The following ATXN10 variants were observed in gnomAD, a reference collection of about 807,000 sequenced individuals.
The protein encoded by ATXN10 is ataxin-10.
A neutral mutation model predicts 52.9 loss-of-function variants in ATXN10; 28 were observed. That is an observed-to-expected ratio of 0.53 (90% CI 0.39 to 0.73). The LOEUF (loss-of-function observed/expected upper bound fraction) is 0.73. Ranked by LOEUF, ATXN10 falls within the 30% of genes least tolerant of loss-of-function variation. ATXN10 has a pLI of 0.00. For synonymous variants in ATXN10, 226 were observed against 221.5 expected, an observed-to-expected ratio of 1.02 and a Z score of -0.18; for missense variants, 565 against 577.0, an observed-to-expected ratio of 0.98 and a Z score of 0.21.
rs1922453189 is a variant in ATXN10, at chr22:45,671,913, G to C, written c.-151G>C. The C allele has an allele frequency of 1.2e-6, 1 of 822,362 alleles. No homozygotes were observed. Among genetic ancestry groups the C allele is most frequent in the Non-Finnish European group, 1.8e-6 (1 of 546,978 alleles). 50.9% of individuals were successfully genotyped at this position (822,362 alleles called of 1,614,324 possible). A position where few individuals can be genotyped will look rare whatever the true frequency, so the allele number is the denominator to read the frequency against. On this transcript the variant is annotated 5_prime_UTR_variant, in exon 1 of 12. Transcript: ENST00000252934. Reference sequence around the variant, plus strand: ...CGGCGGCGCAGCTTCAGGGCAGCGCGGGCTGCAGCGGCGGCGGCGGTTAGG... The same window carrying C: ...CGGCGGCGCAGCTTCAGGGCAGCGCCGGCTGCAGCGGCGGCGGCGGTTAGG...
chr22:45,764,893 ATTG>A (rs1307030712), intron 9 of ATXN10, among the ~76,000 whole-genome samples: 1 of 152,124 alleles, frequency 6.6e-6, no homozygotes, highest in Non-Finnish European at 1.5e-5. Context: ...TCTGTTTTAA[ATTG>A]TTGTGAGGTT....
At chr22:45,697,950 G>A (rs553894200) in intron 3 of ATXN10, among the ~76,000 whole-genome samples, 2 of 152,158 alleles carry the variant, frequency 1.3e-5, no homozygotes, top group Non-Finnish European at 2.9e-5. Flanking sequence ...TGTTTTTAAG[G>A]TTCATCCACC....
At chr22:45,827,539 A>G (rs761023035) in intron 10 of ATXN10, among the ~76,000 whole-genome samples, 1 of 152,196 alleles carries the variant, frequency 6.6e-6, no homozygotes, top group Non-Finnish European at 1.5e-5. Flanking sequence ...AATCAAATAA[A>G]GGTTGCAAGA....
At chr22:45,699,094 A>G (rs188542186) in intron 3 of ATXN10, among the ~76,000 whole-genome samples, 1 of 152,228 alleles carries the variant, frequency 6.6e-6, no homozygotes, top group Non-Finnish European at 1.5e-5. Context: ...TTTTATGTAA[A>G]CACAAGCATG....
At chr22:45,699,430 A>T (rs1186424397) in intron 3 of ATXN10, among the ~76,000 whole-genome samples, 1 of 143,712 alleles carries the variant, frequency 7.0e-6, no homozygotes, top group Admixed American at 6.9e-5. Flanking sequence ...TTTTATACAG[A>T]TCTGAGTGTT....
intron 10 of ATXN10, among the ~76,000 whole-genome samples, chr22:45,812,878 G>A (rs1419770530): frequency 3.9e-5 from 6 of 152,172 alleles, no homozygotes; most frequent in Non-Finnish European, 8.8e-5. Flanking sequence ...CTACGGGTTA[G>A]GAAATCCAAA....
chr22:45,713,233 T>C (rs1924318462), intron 5 of ATXN10, among the ~76,000 whole-genome samples: 1 of 152,192 alleles, frequency 6.6e-6, no homozygotes, highest in Non-Finnish European at 1.5e-5. Context: ...AGTATTGTAA[T>C]GCAGATGCTG....
At chr22:45,680,010 T>C (rs1922855712) in intron 1 of ATXN10, 1 of 152,216 alleles carries the variant, frequency 6.6e-6, no homozygotes, top group Admixed American at 6.5e-5. Flanking sequence ...TCTTCCAGTC[T>C]TTTGTAGTGG....
intron 9 of ATXN10, among the ~76,000 whole-genome samples, chr22:45,785,491 T>G (rs898681934): frequency 6.6e-6 from 1 of 152,234 alleles, no homozygotes; most frequent in African/African-American, 2.4e-5. Context: ...GAAGTACAAA[T>G]AAAAGATGAT....
intron 1 of ATXN10, 198 bp downstream of exon 1, chr22:45,672,377 G>C: frequency 2.2e-6 from 1 of 451,484 alleles, no homozygotes; most frequent in Non-Finnish European, 3.1e-6. Context: ...CGCGGGGCCT[G>C]GGGCGGGCGC....
intron 1 of ATXN10, chr22:45,679,631 C>T (rs911598137): frequency 9.2e-5 from 14 of 152,242 alleles, no homozygotes; most frequent in Non-Finnish European, 1.3e-4. Context: ...CCACACGAGT[C>T]GTCAGCTTGG....
rs764226386 is a variant in ATXN10, at chr22:45,835,655, G to A, written c.1238-7336G>A. ...GGGGCCTATGTACCACTTCCCTTAC[G>A]GCCTAGAAGCCGATTAGCAGCCTCA... On this transcript the variant is annotated intron_variant, in intron 10 of 11. Coordinates refer to ENST00000252934, the MANE Select transcript of ATXN10 (RefSeq NM_013236.4). The surrounding 1 kb of genome is among the most constrained non-coding windows in gnomAD (Gnocchi z 5.0). 5.9e-5 allele frequency among the ~76,000 whole-genome samples: 9 copies of A among 152,204 alleles called. No individual in the cohort carries two copies. The highest frequency in any genetic ancestry group is 2.6e-4 in the Admixed American group (4 of 15,282).
chr22:45,689,478 A>T, intron 1 of ATXN10: 1 of 561,068 alleles, frequency 1.8e-6, no homozygotes, highest in Non-Finnish European at 3.2e-6. Context: ...TGTTGGCCTC[A>T]TAAGGCTGTT....
chr22:45,768,603 A>G (rs1006526348), intron 9 of ATXN10, among the ~76,000 whole-genome samples: 1 of 152,244 alleles, frequency 6.6e-6, no homozygotes, highest in Non-Finnish European at 1.5e-5. Flanking sequence ...AGAGAAGGGC[A>G]TGTTAAAGAA....
chr22:45,678,571 C>T lies in ATXN10; in HGVS notation c.116+6392C>T, dbSNP rs892723451. 5 of 152,002 alleles carry T rather than the reference C, an allele frequency of 3.3e-5. No homozygotes were observed. Among genetic ancestry groups the T allele is most frequent in the Non-Finnish European group, 7.4e-5 (5 of 67,988 alleles). The allele number at this position is 152,002 out of a possible 1,614,324, so 9.4% of individuals were successfully genotyped here. A position where few individuals can be genotyped will look rare whatever the true frequency, so the allele number is the denominator to read the frequency against. On this transcript the variant is annotated intron_variant, in intron 1 of 11. Transcript: ENST00000252934. The surrounding 1 kb of genome is among the most constrained non-coding windows in gnomAD (Gnocchi z 4.1). Reference sequence around the variant, plus strand: ...AAATAGCCTTTTATGTATCTTTTTCCCTACTCAGTAGTGCCTTTCTTGAAG... The same window carrying T: ...AAATAGCCTTTTATGTATCTTTTTCTCTACTCAGTAGTGCCTTTCTTGAAG...
At chr22:45,817,318 CTTTTTTTTTTT>C (rs11326332) in intron 10 of ATXN10, among the ~76,000 whole-genome samples, 2 of 98,710 alleles carry the variant, frequency 2.0e-5, no homozygotes, top group Non-Finnish European at 2.0e-5. Context: ...ATTGATTTAA[CTTTTTTTTTTT>C]TTTTTTTTTT....
Position 45,769,779 on chromosome 22 carries a change from A to G in ATXN10, c.1173+29241A>G, listed in dbSNP as rs1022648249. On this transcript the variant is annotated intron_variant, in intron 9 of 11. Transcript: ENST00000252934. This position sits in a 1 kb window ranked among gnomAD's most constrained non-coding sequence, Gnocchi z 4.2. Reference sequence around the variant, plus strand: ...GACAAGATGTCTGCCAGGTGCTCAGAAAATATCTGATGAATGAATTTACTC... The same window carrying G: ...GACAAGATGTCTGCCAGGTGCTCAGGAAATATCTGATGAATGAATTTACTC... Among the ~76,000 whole-genome samples, 3 of 152,202 alleles carry G rather than the reference A, an allele frequency of 2.0e-5. No homozygotes were observed. The highest frequency in any genetic ancestry group is 4.4e-5 in the Non-Finnish European group (3 of 68,038).
At chr22:45,808,034 A>C (rs1039008688) in intron 10 of ATXN10, among the ~76,000 whole-genome samples, 1 of 152,234 alleles carries the variant, frequency 6.6e-6, no homozygotes, top group African/African-American at 2.4e-5. Context: ...TCTGATTAGC[A>C]ATAGAAAACA....
intron 10 of ATXN10, among the ~76,000 whole-genome samples, chr22:45,809,692 GGT>G (rs1411709780): frequency 6.6e-6 from 1 of 152,062 alleles, no homozygotes; most frequent in Non-Finnish European, 1.5e-5. Context: ...TGCTATTTGA[GGT>G]GTGTGTGAGT....
Sources: allele counts gnomAD v4.1 joint callset (sites outside exome capture counted in the v4.1 genomes callset), GRCh38; gene constraint gnomAD v4.1.1; non-coding constraint Gnocchi (gnomAD v3.1); transcripts MANE v1.5; gene names NCBI Gene and HGNC (gene_info 2026-07-23, HGNC 2026-07-21).